Variants in DHRS3 observed in about 807,000 individuals in gnomAD.
DHRS3 encodes the protein dehydrogenase/reductase 3.
A neutral mutation model predicts 27.2 loss-of-function variants in DHRS3; 14 were observed. The observed-to-expected ratio is 0.52, with a 90% confidence interval of 0.34 to 0.81. The LOEUF (loss-of-function observed/expected upper bound fraction) is 0.81. Ranked by LOEUF, DHRS3 falls within the 30% of genes least tolerant of loss-of-function variation. The pLI, the probability that DHRS3 is intolerant of heterozygous loss-of-function variation, is 0.01. For synonymous variants in DHRS3, 165 were observed against 175.9 expected (o/e 0.94, Z 0.49); for missense variants, 322 against 406.2 (o/e 0.79, Z 1.78).
chr1:12,583,440 CCATCCACT>C (rs1393563044), intron 1 of DHRS3, among the ~76,000 whole-genome samples: 1 of 144,306 alleles, frequency 6.9e-6, no homozygotes, highest in Non-Finnish European at 1.5e-5. Context: ...ATCCATCCAT[CCATCCACT>C]CACCTACTTA....
rs757537083 is a variant in DHRS3, at chr1:12,617,191, T to A, written c.158A>T (p.Gln53Leu). ...GCGCTCCGCGAACTCGCGGGCGAGC[T>A]GACGCCCGATGCCTCTCCCGCCGCC... Reference protein sequence around the residue: ...ITGGGRGIGRQLAREFAERGA... With the variant: ...ITGGGRGIGRLLAREFAERGA... Residue 53 changes from glutamine to leucine, a missense_variant, in exon 1 of 6, where the codon CAG (glutamine) becomes CTG (leucine). Physicochemically the swap from Gln to Leu is moderately radical, Grantham distance 113. Transcript: ENST00000616661. 1.8e-5 allele frequency: 29 copies of A among 1,612,798 alleles called. 1 individual carries two copies. The highest frequency in any genetic ancestry group is 8.5e-7 in the Non-Finnish European group (1 of 1,179,808).
intron 1 of DHRS3, among the ~76,000 whole-genome samples, chr1:12,613,487 C>T (rs1336857770): frequency 6.6e-6 from 1 of 152,206 alleles, no homozygotes; most frequent in East Asian, 1.9e-4. Flanking sequence ...GTTTGCTAAG[C>T]TAGGTCTCTC....
At chr1:12,570,554 G>T (rs1646526868) in intron 5 of DHRS3, among the ~76,000 whole-genome samples, 1 of 152,242 alleles carries the variant, frequency 6.6e-6, no homozygotes. Flanking sequence ...GCAGTTCAGA[G>T]AATGGGGAGC....
chr1:12,600,285 C>A, intron 1 of DHRS3: 4 of 943,626 alleles, frequency 4.2e-6, no homozygotes, highest in Non-Finnish European at 5.1e-6. Context: ...GAGATATCCC[C>A]AAAGCCAAGG....
At chr1:12,600,266 AAGGCTC>A in intron 1 of DHRS3, 1 of 735,538 alleles carries the variant, frequency 1.4e-6, no homozygotes, top group African/African-American at 1.9e-5. Flanking sequence ...CACTGACTTG[AAGGCTC>A]AGGAGATATC....
At chr1:12,590,070 G>A (rs886728231) in intron 1 of DHRS3, among the ~76,000 whole-genome samples, 3 of 151,958 alleles carry the variant, frequency 2.0e-5, no homozygotes, top group East Asian at 1.9e-4. Flanking sequence ...CTTTTTCTAC[G>A]TCCCCAAGCC....
In DHRS3 at chr1:12,579,469, A is replaced by G. The variant is rs998390873; in HGVS notation, c.340-57T>C. 4 of 1,586,944 alleles carry G rather than the reference A, an allele frequency of 2.5e-6. No individual in the cohort carries two copies. In the African/African-American group the frequency reaches 4.0e-5, roughly 16 times the overall value. ...GGGCAGCCAGCCCAGGGCCAACGATATATGTTTTTTGTTTGTTTGTTTTTG... is the reference window on the plus strand; with the variant it reads ...GGGCAGCCAGCCCAGGGCCAACGATGTATGTTTTTTGTTTGTTTGTTTTTG... On this transcript the variant is annotated intron_variant, in intron 2 of 5. Transcript: ENST00000616661.
At chr1:12,572,602 C>T in intron 5 of DHRS3, 126 bp downstream of exon 5, 2 of 1,424,618 alleles carry the variant, frequency 1.4e-6, no homozygotes, top group Non-Finnish European at 9.4e-7. Context: ...TGCTGCCCCA[C>T]AGTAAGTACA....
At chr1:12,590,834 C>CCA (rs1304347937) in intron 1 of DHRS3, among the ~76,000 whole-genome samples, 1 of 152,150 alleles carries the variant, frequency 6.6e-6, no homozygotes, top group Non-Finnish European at 1.5e-5. Context: ...CAGTGCAGAT[C>CCA]CACACTGATC....
rs1027790112 is a variant in DHRS3, at chr1:12,593,827, A to G, written c.196-13161T>C. Among the ~76,000 whole-genome samples the G allele has an allele frequency of 9.2e-5, 14 of 152,212 alleles. No individual in the cohort carries two copies. Among genetic ancestry groups the G allele is most frequent in the Non-Finnish European group, 5.9e-5 (4 of 68,034 alleles). ...GAAAACTCTCCAGGGAAACGATCAC[A>G]AAAGCTGACTCTGGGCAGGCAGAAC... On this transcript the variant is annotated intron_variant, in intron 1 of 5. Coordinates refer to ENST00000616661, the MANE Select transcript of DHRS3 (RefSeq NM_004753.7). The surrounding 1 kb of genome is among the most constrained non-coding windows in gnomAD (Gnocchi z 4.6).
At chr1:12,606,950 A>C (rs1311792911) in intron 1 of DHRS3, among the ~76,000 whole-genome samples, 5 of 152,242 alleles carry the variant, frequency 3.3e-5, no homozygotes, top group Admixed American at 2.6e-4. Context: ...CAGTCAAAGC[A>C]AAAGCAGACC....
At chr1:12,597,977 G>A (rs1442604340) in intron 1 of DHRS3, among the ~76,000 whole-genome samples, 1 of 152,190 alleles carries the variant, frequency 6.6e-6, no homozygotes, top group East Asian at 1.9e-4. Flanking sequence ...GGGACCTCGT[G>A]CCAAGTCACA....
chr1:12,590,371 C>T (rs1257983659), intron 1 of DHRS3, among the ~76,000 whole-genome samples: 4 of 152,136 alleles, frequency 2.6e-5, no homozygotes, highest in African/African-American at 9.7e-5. Context: ...AGTGCAGTGG[C>T]GTGATCTTGG....
At chr1:12,602,615 C>G (rs1646843214) in intron 1 of DHRS3, among the ~76,000 whole-genome samples, 1 of 152,266 alleles carries the variant, frequency 6.6e-6, no homozygotes, top group African/African-American at 2.4e-5. Context: ...CCCCCACCCC[C>G]AGGGCCATTG....
At chr1:12,596,805 C>A (rs1330885992) in intron 1 of DHRS3, among the ~76,000 whole-genome samples, 1 of 152,158 alleles carries the variant, frequency 6.6e-6, no homozygotes, top group African/African-American at 2.4e-5. Context: ...AAAATGCTCA[C>A]CAAACCGCAG....
At chr1:12,579,468 T>A (rs1228595350) in intron 2 of DHRS3, 56 bp from the exon 3 acceptor site, 12 of 1,587,122 alleles carry the variant, frequency 7.6e-6, no homozygotes, top group Non-Finnish European at 1.0e-5. Context: ...GGGCCAACGA[T>A]ATATGTTTTT....
intron 1 of DHRS3, among the ~76,000 whole-genome samples, chr1:12,606,164 A>T (rs1646869976): frequency 6.6e-6 from 1 of 151,442 alleles, no homozygotes; most frequent in African/African-American, 2.4e-5. Context: ...AATAGAAATC[A>T]GCAGTAGTTA....
chr1:12,579,558 C>T, intron 2 of DHRS3, 146 bp from the exon 3 acceptor site: 2 of 1,237,278 alleles, frequency 1.6e-6, no homozygotes, highest in Non-Finnish European at 2.2e-6. Context: ...TCACTGCCAC[C>T]TCCGCCTCCT....
At chr1:12,572,170 TTTTAA>T (rs1285064777) in intron 5 of DHRS3, among the ~76,000 whole-genome samples, 4 of 152,208 alleles carry the variant, frequency 2.6e-5, no homozygotes, top group African/African-American at 9.6e-5. Context: ...TTTTTCTGGC[TTTTAA>T]TTTCTTTTTT....
Sources: gnomAD v4.1 joint callset for allele counts (sites outside exome capture counted in the v4.1 genomes callset) on GRCh38, gnomAD v4.1.1 for gene constraint, Gnocchi (gnomAD v3.1) non-coding constraint, MANE v1.5 for transcripts, NCBI Gene and HGNC (gene_info 2026-07-23, HGNC 2026-07-21) for gene names.